ARFGEF3: variants seen among roughly 807,000 people sequenced by gnomAD.
The protein encoded by ARFGEF3 is brefeldin A-inhibited guanine nucleotide-exchange protein 3.
Under a neutral mutation model 221.7 loss-of-function variants are expected in ARFGEF3, and 96 were observed. The observed-to-expected ratio is 0.43, with a 90% CI of 0.37 to 0.51. ARFGEF3 has a LOEUF of 0.51. Ranked by LOEUF, ARFGEF3 falls within the 20% of genes least tolerant of loss-of-function variation. The probability of loss-of-function intolerance (pLI) is 0.00; values close to 1 mark genes in which losing one functional copy is unlikely to be tolerated. For missense variants in ARFGEF3, 2,410 were observed against 2,789.9 expected (o/e 0.86, Z 3.07); for synonymous variants, 1,145 against 1,126.8 (o/e 1.02, Z -0.32).
At chr6:138,331,754 T>C (rs575058751) in intron 32 of ARFGEF3, among the ~76,000 whole-genome samples, 1 of 152,312 alleles carries the variant, frequency 6.6e-6, no homozygotes, top group South Asian at 2.1e-4. Flanking sequence ...AACCCTTGGG[T>C]ATGCTGAATT....
rs753994922 is a variant in ARFGEF3, at chr6:138,296,862, G to A, written c.3555G>A (p.Leu1185=). ...DRKSALHLFR[L]GNAMLRIVRS... The stretch of plus-strand genomic sequence containing the variant: ...AAAGCGCCCTCCACCTGTTCCGCCT[G>A]GGGAATGCCATGCTGAGGATTGTGC... The change falls in exon 21 of 34, where the codon CTG becomes CTA. Residue 1185 remains leucine (L), a synonymous_variant. Transcript: ENST00000251691. The A allele has an allele frequency of 1.1e-5, 18 of 1,613,994 alleles. No homozygotes were observed. The South Asian group carries it at 2.0e-4, about 18-fold the overall frequency.
chr6:138,182,894 A>T (rs1339233699), intron 2 of ARFGEF3, among the ~76,000 whole-genome samples: 1 of 152,232 alleles, frequency 6.6e-6, no homozygotes, highest in Non-Finnish European at 1.5e-5. Flanking sequence ...GAGCAGACCT[A>T]TGCTAATTTT....
At chr6:138,238,672 G>C (rs1170762616) in intron 6 of ARFGEF3, 41 bp downstream of exon 6, 1 of 1,604,120 alleles carries the variant, frequency 6.2e-7, no homozygotes, top group Non-Finnish European at 8.5e-7. Context: ...CTTCCTGGTG[G>C]TGTCTGTGTA....
intron 23 of ARFGEF3, among the ~76,000 whole-genome samples, chr6:138,308,030 A>G (rs963950724): frequency 6.6e-6 from 1 of 152,216 alleles, no homozygotes; most frequent in African/African-American, 2.4e-5. Flanking sequence ...ATCACACAGA[A>G]GACATTCTTC....
chr6:138,285,823 T>A (rs1177017704), intron 14 of ARFGEF3, 123 bp from the exon 15 acceptor site: 1 of 633,364 alleles, frequency 1.6e-6, no homozygotes, highest in Non-Finnish European at 2.8e-6. Flanking sequence ...TAAAGGTTGC[T>A]ACATGCTTGA....
intron 28 of ARFGEF3, among the ~76,000 whole-genome samples, chr6:138,320,284 G>GCTTCATCT (rs1780001080): frequency 1.3e-5 from 2 of 152,292 alleles, no homozygotes; most frequent in African/African-American, 4.8e-5. Context: ...GAGGCTAAAT[G>GCTTCATCT]GAGGAGGCAG....
intron 4 of ARFGEF3, among the ~76,000 whole-genome samples, chr6:138,211,408 T>G (rs1777725299): frequency 6.6e-6 from 1 of 152,212 alleles, no homozygotes; most frequent in Non-Finnish European, 1.5e-5. Flanking sequence ...CAGTTTTGCC[T>G]TATCCTTTCA....
At chr6:138,222,905 A>G (rs1778006926) in intron 4 of ARFGEF3, among the ~76,000 whole-genome samples, 1 of 152,042 alleles carries the variant, frequency 6.6e-6, no homozygotes, top group South Asian at 2.1e-4. Flanking sequence ...TGTCTATTAT[A>G]CCACTCTGTG....
intron 12 of ARFGEF3, among the ~76,000 whole-genome samples, chr6:138,264,235 C>A (rs974484495): frequency 6.6e-6 from 1 of 151,968 alleles, no homozygotes; most frequent in African/African-American, 2.4e-5. Flanking sequence ...TATTGAAGGG[C>A]AGAAGAGAAT....
chr6:138,218,560 T>C lies in ARFGEF3; in HGVS notation c.351+8519T>C. The C allele has an allele frequency of 5.8e-6, 7 of 1,206,342 alleles. 1 individual carries two copies. The highest frequency in any genetic ancestry group is 1.9e-5 in the South Asian group (1 of 52,726). The allele number at this position is 1,206,342 out of a possible 1,614,324, so 74.7% of individuals were successfully genotyped here. On this transcript the variant is annotated intron_variant, in intron 4 of 33. Transcript: ENST00000251691. ...TCTTTAGCTGAGCCAATGTTTCTGTTCCATCCTACGAGGTAGAGTTTTATG... is the reference window on the plus strand; with the variant it reads ...TCTTTAGCTGAGCCAATGTTTCTGTCCCATCCTACGAGGTAGAGTTTTATG...
chr6:138,213,023 G>T (rs532242523), intron 4 of ARFGEF3, among the ~76,000 whole-genome samples: 2 of 151,764 alleles, frequency 1.3e-5, no homozygotes, highest in Non-Finnish European at 2.9e-5. Context: ...AAAAAATACC[G>T]CACGCCTGTA....
intron 31 of ARFGEF3, among the ~76,000 whole-genome samples, chr6:138,327,283 T>A (rs901331891): frequency 3.3e-5 from 5 of 151,658 alleles, no homozygotes; most frequent in African/African-American, 7.3e-5. Context: ...AAGGAAAAAA[T>A]TTTTAAAAAT....
At chr6:138,284,867 T>C (rs1360736157) in intron 14 of ARFGEF3, among the ~76,000 whole-genome samples, 1 of 152,232 alleles carries the variant, frequency 6.6e-6, no homozygotes, top group Non-Finnish European at 1.5e-5. Flanking sequence ...CTAGGCTAGA[T>C]GGTATAGCCT....
At chr6:138,326,995 G>A (rs1250613314) in intron 31 of ARFGEF3, among the ~76,000 whole-genome samples, 3 of 152,258 alleles carry the variant, frequency 2.0e-5, no homozygotes, top group East Asian at 3.9e-4. Context: ...GCAAACTAAC[G>A]CAGGGACAGA....
At chr6:138,252,981 T>C (rs1272693727) in intron 8 of ARFGEF3, among the ~76,000 whole-genome samples, 2 of 152,174 alleles carry the variant, frequency 1.3e-5, no homozygotes, top group Non-Finnish European at 2.9e-5. Context: ...TGTTCCTCTA[T>C]GAGGAACCCC....
At chr6:138,172,061 C>A (rs1217458358) in intron 2 of ARFGEF3, among the ~76,000 whole-genome samples, 2 of 152,056 alleles carry the variant, frequency 1.3e-5, no homozygotes, top group African/African-American at 4.8e-5. Context: ...TTAAAAAATT[C>A]ATTACTTTTC....
At position 138,179,671 on chromosome 6, in the gene ARFGEF3, A is replaced by C. The variant is rs528199284; in HGVS notation, c.137+8958A>C. ...TCATCAGTGTTTATACTTGGAGAGA[A>C]CCATCCATAACAGCTTCCCATTTCT... On this transcript the variant is annotated intron_variant, in intron 2 of 33. Transcript: ENST00000251691. 2.0e-4 allele frequency among the ~76,000 whole-genome samples: 30 copies of C among 152,312 alleles called. No individual in the cohort carries two copies. In the South Asian group the frequency reaches 5.4e-3, roughly 27 times the overall value.
At chr6:138,303,049 T>C (rs1394330377) in intron 22 of ARFGEF3, among the ~76,000 whole-genome samples, 4 of 152,208 alleles carry the variant, frequency 2.6e-5, no homozygotes, top group Non-Finnish European at 5.9e-5. Flanking sequence ...TAACACTGTA[T>C]TGCTGGATTT....
intron 4 of ARFGEF3, among the ~76,000 whole-genome samples, chr6:138,219,076 A>G (rs77435358): frequency 0.012 from 1,838 of 152,340 alleles, 39 homozygotes; most frequent in African/African-American, 0.042. Context: ...GAGGCAGCCA[A>G]TTACCACAAT....
Sources: gnomAD v4.1 joint callset for allele counts (sites outside exome capture counted in the v4.1 genomes callset) on GRCh38, gnomAD v4.1.1 for gene constraint, MANE v1.5 for transcripts, NCBI Gene and HGNC (gene_info 2026-07-23, HGNC 2026-07-21) for gene names.